The following CFAP70 variants were observed in gnomAD, a reference collection of about 807,000 sequenced individuals.
CFAP70 encodes the protein cilia- and flagella-associated protein 70.
CFAP70 carries 81 observed loss-of-function variants against 137.6 expected under a neutral mutation model. The ratio of observed to expected loss-of-function variants is 0.59; its 90% CI spans 0.49 to 0.71. CFAP70 has a LOEUF of 0.71. Among genes scored for constraint, CFAP70 ranks in the 30% least tolerant of loss-of-function variants. CFAP70 has a pLI of 0.00. For synonymous variants in CFAP70, 382 were observed against 423.6 expected, an observed-to-expected ratio of 0.90 and a Z score of 1.20; for missense variants, 976 against 1,226.7, an observed-to-expected ratio of 0.80 and a Z score of 3.05.
Position 73,353,544 on chromosome 10 carries a change from A to C in CFAP70, c.250+12T>G. ...AATCGGGACATTGATTTTTAGAACC[A>C]CAAGGACTTACAGAACACAGGTTTG... On this transcript the variant is annotated intron_variant, in intron 3 of 26. Transcript: ENST00000310715. The C allele has an allele frequency of 6.2e-7, 1 of 1,610,454 alleles. No homozygotes were observed.
chr10:73,313,849 G>GA (rs571589707), intron 9 of CFAP70, among the ~76,000 whole-genome samples: 56 of 151,494 alleles, frequency 3.7e-4, no homozygotes, highest in Non-Finnish European at 6.5e-4. Flanking sequence ...CTCAAAAAAG[G>GA]AAAAAAAATT....
chr10:73,262,700 A>G (rs555076997), intron 25 of CFAP70, among the ~76,000 whole-genome samples: 1 of 152,192 alleles, frequency 6.6e-6, no homozygotes, highest in East Asian at 1.9e-4. Context: ...CGTGCATGGT[A>G]TATATAGGAT....
chr10:73,271,240 G>A (rs1018990050), intron 24 of CFAP70, among the ~76,000 whole-genome samples: 3 of 152,160 alleles, frequency 2.0e-5, no homozygotes, highest in Middle Eastern at 3.2e-3. Flanking sequence ...GGCCGGGTGC[G>A]GTGGCTCACG....
chr10:73,265,054 G>A (rs890239977), intron 25 of CFAP70, among the ~76,000 whole-genome samples: 1 of 152,016 alleles, frequency 6.6e-6, no homozygotes, highest in African/African-American at 2.4e-5. Context: ...GGCCGGGTGC[G>A]GTGGCTCACG....
exon 14 of CFAP70, chr10:73,299,040 T>C (rs2048739404): frequency 1.2e-6 from 2 of 1,614,054 alleles, no homozygotes; most frequent in African/African-American, 2.7e-5. Flanking sequence ...AAACATTCTG[T>C]AGTATTCATC....
chr10:73,288,986 A>G (rs1201534268), intron 19 of CFAP70, among the ~76,000 whole-genome samples: 2 of 152,190 alleles, frequency 1.3e-5, no homozygotes, highest in Admixed American at 6.5e-5. Flanking sequence ...GAAATGGCCA[A>G]TGTAGACATA....
intron 4 of CFAP70, among the ~76,000 whole-genome samples, chr10:73,345,674 G>A (rs1325721578): frequency 6.6e-6 from 1 of 151,868 alleles, no homozygotes; most frequent in Non-Finnish European, 1.5e-5. Flanking sequence ...GCATGGTGGT[G>A]CGCGCCTGTA....
intron 19 of CFAP70, among the ~76,000 whole-genome samples, chr10:73,291,022 T>G (rs1265853206): frequency 6.6e-6 from 1 of 152,188 alleles, no homozygotes; most frequent in African/African-American, 2.4e-5. Flanking sequence ...TTTTTATTTT[T>G]TAAATTTTGT....
chr10:73,334,879 A>AGTT (rs1469958117), intron 7 of CFAP70, among the ~76,000 whole-genome samples: 1 of 133,236 alleles, frequency 7.5e-6, no homozygotes, highest in African/African-American at 2.9e-5. Context: ...CACCTGGCCG[A>AGTT]GTTTTTTTTT....
intron 9 of CFAP70, among the ~76,000 whole-genome samples, chr10:73,318,157 G>A (rs886778867): frequency 1.3e-5 from 2 of 152,158 alleles, no homozygotes; most frequent in African/African-American, 2.4e-5. Context: ...CCCCAGACAC[G>A]AAGGCCTCAA....
chr10:73,294,475 T>C (rs2048391253), intron 15 of CFAP70: 1 of 152,200 alleles, frequency 6.6e-6, no homozygotes, highest in Non-Finnish European at 1.5e-5. Flanking sequence ...ACAATCTGAC[T>C]TCTTCATTCC....
At chr10:73,322,876 T>G in intron 9 of CFAP70, 87 bp downstream of exon 10, 1 of 1,181,562 alleles carries the variant, frequency 8.5e-7, no homozygotes. Flanking sequence ...TAAATATCAG[T>G]TGCAAAGATG....
At chr10:73,305,053 A>G (rs1317132542) in intron 12 of CFAP70, among the ~76,000 whole-genome samples, 1 of 152,216 alleles carries the variant, frequency 6.6e-6, no homozygotes, top group Non-Finnish European at 1.5e-5. Context: ...CAAAGGTGGC[A>G]GCCTGGATTT....
chr10:73,296,956 G>A (rs2048586649), intron 15 of CFAP70, 86 bp downstream of exon 16: 8 of 1,462,958 alleles, frequency 5.5e-6, no homozygotes, highest in Admixed American at 2.0e-5. Context: ...ATAAATATTC[G>A]TTGAATAAAC....
At chr10:73,273,286 C>T (rs1220047536) in intron 23 of CFAP70, among the ~76,000 whole-genome samples, 1 of 152,222 alleles carries the variant, frequency 6.6e-6, no homozygotes, top group Non-Finnish European at 1.5e-5. Flanking sequence ...AGGAGTTACA[C>T]TGAAAGTGGG....
At chr10:73,256,902 C>CAAAA (rs55805225) in intron 25 of CFAP70, among the ~76,000 whole-genome samples, 3 of 58,306 alleles carry the variant, frequency 5.1e-5, no homozygotes, top group African/African-American at 1.2e-4. Context: ...GACTCCATCT[C>CAAAA]AAAAAAAAAA....
Position 73,275,308 on chromosome 10 carries a change from G to T in CFAP70, c.2673+138C>A. 1.1e-6 allele frequency: 1 copy of T among 905,958 alleles called. No homozygotes were observed. Among genetic ancestry groups the T allele is most frequent in the Non-Finnish European group, 1.5e-6 (1 of 648,104 alleles). The allele number at this position is 905,958 out of a possible 1,614,324, so 56.1% of individuals were successfully genotyped here. A position where few individuals can be genotyped will look rare whatever the true frequency, so the allele number is the denominator to read the frequency against. On this transcript the variant is annotated intron_variant, in intron 22 of 26. Transcript: ENST00000310715. This position sits in a 1 kb window ranked among gnomAD's most constrained non-coding sequence, Gnocchi z 4.0. ...CATGATTACTTAAGAAAAGCAAATGGAAGGGTATAGAGAGATGAGTTTACT... is the reference window on the plus strand; with the variant it reads ...CATGATTACTTAAGAAAAGCAAATGTAAGGGTATAGAGAGATGAGTTTACT...
chr10:73,263,208 T>C (rs1455745833), intron 25 of CFAP70, among the ~76,000 whole-genome samples: 1 of 151,980 alleles, frequency 6.6e-6, no homozygotes, highest in African/African-American at 2.4e-5. Context: ...CAAGCAATCC[T>C]CCCACCTCAG....
Position 73,311,923 on chromosome 10 carries a change from A to G in CFAP70, c.1084-9T>C. 1.2e-6 allele frequency: 2 copies of G among 1,607,584 alleles called. No homozygotes were observed. The highest frequency in any genetic ancestry group is 3.3e-5 in the Admixed American group (2 of 60,012). On this transcript the variant is annotated splice_polypyrimidine_tract_variant and intron_variant, in intron 10 of 26. Transcript: ENST00000310715. ...TTTATACTAGGTGCCTGCTGAAAGA[A>G]AATGAACACACCTCAAAAATTGAAT...
Sources: allele counts gnomAD v4.1 joint callset (sites outside exome capture counted in the v4.1 genomes callset), GRCh38; gene constraint gnomAD v4.1.1; non-coding constraint Gnocchi (gnomAD v3.1); transcripts MANE v1.5; gene names NCBI Gene and HGNC (gene_info 2026-07-23, HGNC 2026-07-21).